HABP4: variants seen among roughly 807,000 people sequenced by gnomAD.
HABP4 encodes intracellular hyaluronan-binding protein 4.
HABP4 carries 32 observed loss-of-function variants against 44.1 expected under a neutral mutation model. The ratio of observed to expected loss-of-function variants is 0.73; its 90% CI spans 0.55 to 0.97. The LOEUF is 0.97. Ranked by LOEUF, HABP4 falls within the 50% of genes least tolerant of loss-of-function variation. The pLI is 0.00. For missense variants in HABP4, 503 were observed against 561.9 expected (o/e 0.90, Z 1.06); for synonymous variants, 216 against 218.0 (o/e 0.99, Z 0.08).
chr9:96,453,481 G>C (rs1832322515), intron 1 of HABP4, among the ~76,000 whole-genome samples: 1 of 150,168 alleles, frequency 6.7e-6, no homozygotes, highest in African/African-American at 2.4e-5. Context: ...AAAGTGCTGG[G>C]ATTACAGGCG....
At chr9:96,451,508 G>A in intron 1 of HABP4, 1 of 980,662 alleles carries the variant, frequency 1.0e-6, no homozygotes. Flanking sequence ...TTAGGATTAA[G>A]ATGTGTAGGT....
intron 5 of HABP4, chr9:96,483,856 G>A: frequency 6.6e-6 from 1 of 151,836 alleles, no homozygotes; most frequent in East Asian, 1.9e-4. Flanking sequence ...CTTTCTTTTG[G>A]TGTGTGTGGA....
intron 1 of HABP4, among the ~76,000 whole-genome samples, chr9:96,452,911 GTTTTTTTTTTTTTTT>G (rs71368266): frequency 1.7e-4 from 11 of 63,146 alleles, no homozygotes; most frequent in Non-Finnish European, 8.4e-5. Flanking sequence ...ATGGAAAAGG[GTTTTTTTTTTTTTTT>G]TTTTTTTTTT....
At position 96,488,436 on chromosome 9, in the gene HABP4, G is replaced by A. The variant is rs1258370627; in HGVS notation, c.1185+162G>A. On this transcript the variant is annotated intron_variant, in intron 7 of 7. Transcript: ENST00000375249. This position sits in a 1 kb window ranked among gnomAD's most constrained non-coding sequence, Gnocchi z 4.6. ...CATTTGGACGGTGTTGTAGCATCATGGACATCTTGCCTAGAGACCGTTCTG... is the reference window on the plus strand; with the variant it reads ...CATTTGGACGGTGTTGTAGCATCATAGACATCTTGCCTAGAGACCGTTCTG... Among the ~76,000 whole-genome samples the A allele has an allele frequency of 6.6e-6, 1 of 152,162 alleles. No individual in the cohort carries two copies. Among genetic ancestry groups the A allele is most frequent in the Non-Finnish European group, 1.5e-5 (1 of 68,042 alleles).
intron 2 of HABP4, among the ~76,000 whole-genome samples, chr9:96,459,174 G>A (rs1832455921): frequency 6.6e-6 from 1 of 152,198 alleles, no homozygotes. Flanking sequence ...TGAAGTTCTA[G>A]ATTAGAGATA....
intron 5 of HABP4, 44 bp downstream of exon 5, chr9:96,471,138 C>G (rs1415609587): frequency 4.0e-6 from 4 of 989,286 alleles, no homozygotes; most frequent in South Asian, 1.3e-5. Context: ...TGGTTCTCTT[C>G]TTAATGATTT....
rs952199640 is a variant in HABP4 at position 96,488,692 on chromosome 9, G to A, written c.1185+418G>A. 1.4e-4 allele frequency among the ~76,000 whole-genome samples: 22 copies of A among 152,046 alleles called. No individual in the cohort carries two copies. Among genetic ancestry groups the A allele is most frequent in the African/African-American group, 4.8e-4 (20 of 41,404 alleles). Reference sequence around the variant, plus strand: ...AGGGGACCTTCCTCAACCCCTCCCCGGCTCACCTGCCTCACACCGTCCTCA... The same window carrying A: ...AGGGGACCTTCCTCAACCCCTCCCCAGCTCACCTGCCTCACACCGTCCTCA... On this transcript the variant is annotated intron_variant, in intron 7 of 7. Transcript: ENST00000375249. This position sits in a 1 kb window ranked among gnomAD's most constrained non-coding sequence, Gnocchi z 4.6.
At chr9:96,489,020 T>C (rs907021084) in intron 7 of HABP4, among the ~76,000 whole-genome samples, 2 of 152,120 alleles carry the variant, frequency 1.3e-5, no homozygotes, top group African/African-American at 2.4e-5. Flanking sequence ...TGGACACTTA[T>C]TCATTGGAAA....
intron 6 of HABP4, 141 bp downstream of exon 6, chr9:96,484,774 ATTTT>A: frequency 1.6e-6 from 1 of 626,728 alleles, no homozygotes; most frequent in South Asian, 2.0e-5. Flanking sequence ...TGCATGCCTA[ATTTT>A]ACTGTATTGT....
At chr9:96,453,604 A>G (rs1175348615) in intron 1 of HABP4, among the ~76,000 whole-genome samples, 1 of 152,238 alleles carries the variant, frequency 6.6e-6, no homozygotes, top group African/African-American at 2.4e-5. Flanking sequence ...TCTTAAAGTC[A>G]TGAGAGGCCG....
At position 96,470,956 on chromosome 9, in the gene HABP4, A is replaced by G. The variant is rs1192911487; in HGVS notation, c.744-55A>G. On this transcript the variant is annotated intron_variant, in intron 4 of 7. Coordinates refer to ENST00000375249, the MANE Select transcript of HABP4 (RefSeq NM_014282.4). ...ATGTTTTCTCCTTCTTAAACATACA[A>G]AGGCATTGGTATGAATGTATTTGTG... is the stretch of plus-strand genomic sequence containing the variant. The G allele has an allele frequency of 1.3e-5, 13 of 996,970 alleles. 1 individual carries two copies. The highest frequency in any genetic ancestry group is 5.4e-5 in the South Asian group (4 of 74,504). 61.8% of individuals were successfully genotyped at this position (996,970 alleles called of 1,614,324 possible). A position where few individuals can be genotyped will look rare whatever the true frequency, so the allele number is the denominator to read the frequency against.
chr9:96,456,780 A>AAAAAAAATAT (rs1554724388), intron 1 of HABP4, among the ~76,000 whole-genome samples: 1 of 44,772 alleles, frequency 2.2e-5, no homozygotes, highest in African/African-American at 9.0e-5. Flanking sequence ...AAAAAAAAAA[A>AAAAAAAATAT]ATATATATAT....
chr9:96,450,616 C>A lies in HABP4; in HGVS notation c.337C>A (p.Leu113Met). Residue 113 changes from leucine to methionine, a missense_variant, in exon 1 of 8, where the codon CTG becomes ATG. Physicochemically the swap from Leu to Met is conservative, Grantham distance 15. This residue lies in a region of HABP4 where 290 missense variants were observed against 300.5 expected (regional missense o/e 0.97). Coordinates refer to ENST00000375249, the MANE Select transcript of HABP4 (RefSeq NM_014282.4). The surrounding 1 kb of genome is among the most constrained non-coding windows in gnomAD (Gnocchi z 4.8). ...AQRPDSPGGGLQAPGQKRTPR... is the reference protein window; with the variant it reads ...AQRPDSPGGGMQAPGQKRTPR... The stretch of plus-strand genomic sequence containing the variant: ...GCGGCCCGATAGCCCCGGGGGCGGC[C>A]TGCAGGCGCCGGGTACGCGGGGACA... 1 of 1,266,570 alleles carries A rather than the reference C, an allele frequency of 7.9e-7. No homozygotes were observed. The allele number at this position is 1,266,570 out of a possible 1,614,324, so 78.5% of individuals were successfully genotyped here. A position where few individuals can be genotyped will look rare whatever the true frequency, so the allele number is the denominator to read the frequency against.
intron 1 of HABP4, among the ~76,000 whole-genome samples, chr9:96,456,780 A>AATATAT (rs71368267): frequency 4.3e-3 from 193 of 44,736 alleles, no homozygotes; most frequent in East Asian, 4.6e-3. Flanking sequence ...AAAAAAAAAA[A>AATATAT]ATATATATAT....
chr9:96,452,994 C>G (rs1297940170), intron 1 of HABP4, among the ~76,000 whole-genome samples: 1 of 120,114 alleles, frequency 8.3e-6, no homozygotes, highest in Admixed American at 1.2e-4. Flanking sequence ...GATCTCGGTT[C>G]ACTGCAACCT....
At chr9:96,467,619 A>C (rs536037499) in intron 4 of HABP4, among the ~76,000 whole-genome samples, 49 of 144,840 alleles carry the variant, frequency 3.4e-4, no homozygotes, top group African/African-American at 1.2e-3. Context: ...TCCACCTCCC[A>C]GGTTCAAGCA....
At chr9:96,477,813 T>C (rs1396916858) in intron 5 of HABP4, among the ~76,000 whole-genome samples, 4 of 152,228 alleles carry the variant, frequency 2.6e-5, no homozygotes, top group Non-Finnish European at 1.5e-5. Context: ...ATCATGAGCA[T>C]AGCCATCGCC....
At chr9:96,455,858 C>G (rs1832365924) in intron 1 of HABP4, among the ~76,000 whole-genome samples, 1 of 151,850 alleles carries the variant, frequency 6.6e-6, no homozygotes, top group Admixed American at 6.6e-5. Flanking sequence ...AGTTCGAGAC[C>G]AGCCTGGCCA....
intron 1 of HABP4, among the ~76,000 whole-genome samples, chr9:96,454,809 A>G (rs554553871): frequency 6.6e-5 from 10 of 151,288 alleles, no homozygotes; most frequent in African/African-American, 2.4e-4. Flanking sequence ...CTCCTAGGCA[A>G]CCGGGCACAA....
Sources: gnomAD v4.1 joint callset for allele counts (sites outside exome capture counted in the v4.1 genomes callset) on GRCh38, gnomAD v4.1.1 for gene constraint, gnomAD v4.1.1 regional missense constraint, Gnocchi (gnomAD v3.1) non-coding constraint, MANE v1.5 for transcripts, NCBI Gene and HGNC (gene_info 2026-07-23, HGNC 2026-07-21) for gene names.